Variants in EBF4 observed in about 807,000 individuals in gnomAD.
EBF4 encodes the protein transcription factor COE4.
A neutral mutation model predicts 67.1 loss-of-function variants in EBF4; 34 were observed. That is an observed-to-expected ratio of 0.51 (90% CI 0.39 to 0.67). The LOEUF is 0.67. EBF4 is among the 30% of genes least tolerant of loss of function. The pLI is 0.00. For missense variants in EBF4, 837 were observed against 873.3 expected (o/e 0.96, Z 0.52); for synonymous variants, 387 against 377.7 (o/e 1.02, Z -0.29).
chr20:2,732,443 A>G (rs1006030900), intron 6 of EBF4, among the ~76,000 whole-genome samples: 1 of 152,210 alleles, frequency 6.6e-6, no homozygotes, highest in African/African-American at 2.4e-5. Context: ...ACACATGCTT[A>G]TAATTGTTAT....
Position 2,747,314 on chromosome 20 carries a change from A to AAC in EBF4, c.558-1234_558-1233insCA, listed in dbSNP as rs1222527102. On this transcript the variant is annotated intron_variant, in intron 6 of 16. Coordinates refer to ENST00000609451, the Ensembl canonical transcript of EBF4. The surrounding 1 kb of genome is among the most constrained non-coding windows in gnomAD (Gnocchi z 4.6). The stretch of plus-strand genomic sequence containing the variant: ...TCTGTCTCAAAACAAAAAACAAAAC[A>AAC]AACAAAAAAAAAAAAACAGGAAAAA... 2.9e-5 allele frequency among the ~76,000 whole-genome samples: 3 copies of AAC among 104,894 alleles called. No individual in the cohort carries two copies. Among genetic ancestry groups the AAC allele is most frequent in the Non-Finnish European group, 4.1e-5 (2 of 48,268 alleles). The allele number at this position is 104,894 out of a possible 152,430, so 68.8% of individuals were successfully genotyped here.
chr20:2,752,556 C>T lies in EBF4; in HGVS notation c.1540+11C>T. ...CCTCGCCCTTCGCCAGTGAGTGTCCCCCGCCCGCGAGGGAAGGTCTGGGGC... is the reference window on the plus strand; with the variant it reads ...CCTCGCCCTTCGCCAGTGAGTGTCCTCCGCCCGCGAGGGAAGGTCTGGGGC... On this transcript the variant is annotated intron_variant, in intron 14 of 16. Transcript: ENST00000609451. The T allele has an allele frequency of 8.1e-7, 1 of 1,236,540 alleles. No homozygotes were observed. The highest frequency in any genetic ancestry group is 1.6e-5 in the African/African-American group (1 of 64,370). The allele number at this position is 1,236,540 out of a possible 1,614,324, so 76.6% of individuals were successfully genotyped here.
At chr20:2,704,145 CCAATCCCAACA>C (rs2087417427) in intron 1 of EBF4, among the ~76,000 whole-genome samples, 1 of 152,058 alleles carries the variant, frequency 6.6e-6, no homozygotes, top group Non-Finnish European at 1.5e-5. Context: ...ACCTCACAGG[CCAATCCCAACA>C]CAATACAAGA....
At chr20:2,719,905 A>C (rs746468581) in intron 6 of EBF4, among the ~76,000 whole-genome samples, 4 of 152,218 alleles carry the variant, frequency 2.6e-5, no homozygotes, top group Non-Finnish European at 4.4e-5. Flanking sequence ...AAACAGGTCA[A>C]GTTAATTGAT....
intron 10 of EBF4, 103 bp downstream of exon 10, chr20:2,750,076 G>T: frequency 6.3e-6 from 9 of 1,434,200 alleles, no homozygotes; most frequent in Non-Finnish European, 7.3e-6. Context: ...CGAGCTCTAC[G>T]CTGTGGCCAC....
At chr20:2,730,472 C>T (rs1568577850) in intron 6 of EBF4, among the ~76,000 whole-genome samples, 1 of 152,202 alleles carries the variant, frequency 6.6e-6, no homozygotes, top group Non-Finnish European at 1.5e-5. Context: ...CTGCAAAGAC[C>T]CTTTTTCCAA....
At chr20:2,711,892 A>G (rs1683497004) in intron 6 of EBF4, among the ~76,000 whole-genome samples, 1 of 152,220 alleles carries the variant, frequency 6.6e-6, no homozygotes, top group Non-Finnish European at 1.5e-5. Flanking sequence ...GTCTCACTGA[A>G]AAGATGACAT....
chr20:2,709,431 T>A (rs1327760931), intron 5 of EBF4, 143 bp from the exon 6 acceptor site: 5 of 670,716 alleles, frequency 7.5e-6, no homozygotes, highest in Non-Finnish European at 9.1e-6. Context: ...GCCCTGGGAG[T>A]GAGCCCCTCC....
chr20:2,742,952 G>T (rs1392231058), intron 6 of EBF4, among the ~76,000 whole-genome samples: 2 of 152,000 alleles, frequency 1.3e-5, no homozygotes, highest in Non-Finnish European at 2.9e-5. Context: ...CCCTTCCCAG[G>T]CTCTCTTCTT....
At chr20:2,757,272 G>A (rs1005400093) in intron 15 of EBF4, among the ~76,000 whole-genome samples, 7 of 152,212 alleles carry the variant, frequency 4.6e-5, no homozygotes, top group South Asian at 2.1e-4. Context: ...TGTCCGCAGC[G>A]TCCCACAGAA....
chr20:2,700,847 G>A (rs6115611), intron 1 of EBF4, among the ~76,000 whole-genome samples: 3,471 of 152,238 alleles, frequency 0.023, 132 homozygotes, highest in African/African-American at 0.078. Context: ...AGGAGGCACC[G>A]TCCACACCTG....
intron 14 of EBF4, among the ~76,000 whole-genome samples, chr20:2,754,465 C>G (rs1167189068): frequency 1.3e-5 from 2 of 152,216 alleles, no homozygotes; most frequent in Non-Finnish European, 2.9e-5. Context: ...GCATTGGTCT[C>G]AAGCCCTTCA....
intron 6 of EBF4, among the ~76,000 whole-genome samples, chr20:2,736,795 A>C (rs1027952420): frequency 6.6e-6 from 1 of 151,768 alleles, no homozygotes; most frequent in Non-Finnish European, 1.5e-5. Flanking sequence ...ATGTGCTCCG[A>C]AGGTCATATA....
intron 1 of EBF4, among the ~76,000 whole-genome samples, chr20:2,694,879 C>T (rs936645416): frequency 1.3e-5 from 2 of 152,144 alleles, no homozygotes; most frequent in Non-Finnish European, 2.9e-5. Context: ...CGCTGGGGGG[C>T]TCTGGAGCTG....
At position 2,737,112 on chromosome 20, in the gene EBF4, T is replaced by C. The variant is rs528347633; in HGVS notation, c.558-11437T>C. On this transcript the variant is annotated intron_variant, in intron 6 of 16. Transcript: ENST00000609451. Reference sequence around the variant, plus strand: ...AAAATACCAAAAAATTAGCCGGGCGTGGTGGCGGGCGCCTGTAGTCCCAGC... The same window carrying C: ...AAAATACCAAAAAATTAGCCGGGCGCGGTGGCGGGCGCCTGTAGTCCCAGC... 1.9e-4 allele frequency among the ~76,000 whole-genome samples: 29 copies of C among 150,154 alleles called. No homozygotes were observed. In the South Asian group the frequency reaches 3.0e-3, roughly 16 times the overall value.
intron 1 of EBF4, among the ~76,000 whole-genome samples, chr20:2,697,296 AGCAC>A (rs2087305088): frequency 6.6e-6 from 1 of 152,152 alleles, no homozygotes; most frequent in Non-Finnish European, 1.5e-5. Context: ...CTGTAATCCC[AGCAC>A]TTTGGGAGGC....
chr20:2,759,420 G>GA, downstream of EBF4: 1 of 218,772 alleles, frequency 4.6e-6, no homozygotes, highest in Non-Finnish European at 9.3e-6. Context: ...CCATGCTCAA[G>GA]CCTCCCCGCT....
At chr20:2,731,290 C>T (rs2087810144) in intron 6 of EBF4, among the ~76,000 whole-genome samples, 1 of 152,294 alleles carries the variant, frequency 6.6e-6, no homozygotes, top group South Asian at 2.1e-4. Context: ...TTAGTTCTCT[C>T]AAAACAGTCC....
intron 1 of EBF4, among the ~76,000 whole-genome samples, chr20:2,697,540 G>A (rs1434939178): frequency 2.5e-5 from 3 of 118,150 alleles, no homozygotes; most frequent in East Asian, 2.6e-4. Context: ...GCGAGACTCT[G>A]TCTCAAAAAA....
Sources: allele counts gnomAD v4.1 joint callset (sites outside exome capture counted in the v4.1 genomes callset), GRCh38; gene constraint gnomAD v4.1.1; non-coding constraint Gnocchi (gnomAD v3.1); transcripts MANE v1.5; gene names NCBI Gene and HGNC (gene_info 2026-07-23, HGNC 2026-07-21).